Variants in EDA observed in about 807,000 individuals in gnomAD.
EDA encodes ectodysplasin-A.
Under a neutral mutation model 23.6 loss-of-function variants are expected in EDA, and 2 were observed. That is an observed-to-expected ratio of 0.08 (90% CI 0.03 to 0.27). EDA has a LOEUF of 0.27. EDA is among the 10% of genes least tolerant of loss of function. The probability of loss-of-function intolerance (pLI) is 1.00; values close to 1 mark genes in which losing one functional copy is unlikely to be tolerated. For synonymous variants in EDA, 131 were observed against 132.0 expected, an observed-to-expected ratio of 0.99 and a Z score of 0.05; for missense variants, 229 against 324.2, an observed-to-expected ratio of 0.71 and a Z score of 2.26.
chrX:69,645,484 T>C (rs1478158209), intron 1 of EDA, among the ~76,000 whole-genome samples: 1 of 101,362 alleles, frequency 9.9e-6, no homozygotes, highest in Non-Finnish European at 2.0e-5. Context: ...TGTTTCAAGG[T>C]TTTTTCATGT....
intron 1 of EDA, among the ~76,000 whole-genome samples, chrX:69,815,570 G>T (rs1171820055): frequency 8.9e-6 from 1 of 111,835 alleles, no homozygotes; most frequent in Non-Finnish European, 1.9e-5. Flanking sequence ...GCCAGATCTT[G>T]GCCAGAGTGC....
At chrX:69,654,320 G>A (rs967768527) in intron 1 of EDA, among the ~76,000 whole-genome samples, 14 of 111,653 alleles carry the variant, frequency 1.3e-4, no homozygotes, top group Admixed American at 7.6e-4. Context: ...AGGATGTGGA[G>A]AAATAGGAAC....
At chrX:69,903,930 T>C (rs957302774) in intron 1 of EDA, among the ~76,000 whole-genome samples, 16 of 109,735 alleles carry the variant, frequency 1.5e-4, no homozygotes, top group African/African-American at 5.3e-4. Flanking sequence ...CCTGCCTCAG[T>C]CTCCCGAGTA....
Position 69,940,105 on chromosome X carries a change from A to G in EDA, c.397-16922A>G, listed in dbSNP as rs1042937830. ...ATCAGGGTAATACTGGCCTTATAGA[A>G]TGAGTGTGGAAGTACTCCCTCATTC... On this transcript the variant is annotated intron_variant, in intron 1 of 7. Coordinates refer to ENST00000374552, the MANE Select transcript of EDA (RefSeq NM_001399.5). Among the ~76,000 whole-genome samples the G allele has an allele frequency of 2.7e-5, 3 of 111,475 alleles. No individual in the cohort carries two copies. In the Admixed American group the frequency reaches 2.8e-4, roughly 11 times the overall value.
chrX:69,952,327 A>T (rs1271002629), intron 1 of EDA, among the ~76,000 whole-genome samples: 5 of 112,235 alleles, frequency 4.5e-5, no homozygotes, highest in Non-Finnish European at 3.8e-5. Flanking sequence ...GAAGCCTCAC[A>T]ATCATGGGGG....
intron 1 of EDA, among the ~76,000 whole-genome samples, chrX:69,870,029 C>T (rs1449823285): frequency 4.5e-5 from 5 of 111,892 alleles, no homozygotes; most frequent in Non-Finnish European, 9.4e-5. Context: ...AACTAATCCA[C>T]TCCACCATCC....
intron 1 of EDA, among the ~76,000 whole-genome samples, chrX:69,882,912 G>C (rs1382546217): frequency 9.0e-6 from 1 of 111,382 alleles, no homozygotes; most frequent in Non-Finnish European, 1.9e-5. Context: ...ATGTTGGTCA[G>C]GCTGGTCTCG....
At chrX:69,995,440 C>G (rs1354872558) in intron 2 of EDA, among the ~76,000 whole-genome samples, 3 of 112,335 alleles carry the variant, frequency 2.7e-5, no homozygotes, top group Non-Finnish European at 5.6e-5. Context: ...GTCACCAGGT[C>G]TTCCATCTAT....
chrX:69,620,549 G>A (rs755513215), intron 1 of EDA: 173 of 138,120 alleles, frequency 1.3e-3, no homozygotes, highest in Non-Finnish European at 2.2e-3. Context: ...TTTTAGGGAG[G>A]TGGGATCTAG....
At chrX:69,981,573 G>A (rs1367319459) in intron 2 of EDA, among the ~76,000 whole-genome samples, 1 of 111,267 alleles carries the variant, frequency 9.0e-6, no homozygotes, top group Non-Finnish European at 1.9e-5. Flanking sequence ...CATGCAAGAA[G>A]CAGGAAACAA....
chrX:69,910,373 G>A (rs1425593813), intron 1 of EDA, among the ~76,000 whole-genome samples: 3 of 26,030 alleles, frequency 1.2e-4, no homozygotes, highest in Non-Finnish European at 3.1e-4. Flanking sequence ...GAGAGAGAGA[G>A]AGTGTGTGTG....
At chrX:70,030,801 T>G (rs968831003) in intron 6 of EDA, among the ~76,000 whole-genome samples, 4 of 112,610 alleles carry the variant, frequency 3.6e-5, no homozygotes, top group African/African-American at 1.3e-4. Flanking sequence ...GGAGGTTATA[T>G]CAGAGCCACC....
intron 2 of EDA, among the ~76,000 whole-genome samples, chrX:69,992,531 GTTAT>G (rs1009472676): frequency 1.2e-4 from 13 of 112,186 alleles, no homozygotes; most frequent in African/African-American, 4.2e-4. Context: ...TATGCCACAA[GTTAT>G]TTATTCATTC....
chrX:69,734,452 A>C (rs1245320439), intron 1 of EDA, among the ~76,000 whole-genome samples: 1 of 111,280 alleles, frequency 9.0e-6, no homozygotes, highest in Non-Finnish European at 1.9e-5. Flanking sequence ...GTTTTTATTT[A>C]TTTCTTTTCT....
chrX:69,837,479 A>G (rs2016803253), intron 1 of EDA, among the ~76,000 whole-genome samples: 1 of 112,602 alleles, frequency 8.9e-6, no homozygotes, highest in Non-Finnish European at 1.9e-5. Context: ...AGGCTCATAA[A>G]AACAATTTAA....
intron 1 of EDA, among the ~76,000 whole-genome samples, chrX:69,842,081 TG>T (rs2016907800): frequency 8.9e-6 from 1 of 111,956 alleles, no homozygotes; most frequent in Non-Finnish European, 1.9e-5. Context: ...AGGTGAGCAA[TG>T]GGCGGATGAG....
intron 1 of EDA, among the ~76,000 whole-genome samples, chrX:69,710,671 C>A (rs2011967818): frequency 8.9e-6 from 1 of 111,781 alleles, no homozygotes; most frequent in South Asian, 3.8e-4. Flanking sequence ...TTTCATTGAG[C>A]AGTGGCTTGT....
chrX:69,652,751 A>G (rs1933145102), intron 1 of EDA, among the ~76,000 whole-genome samples: 1 of 112,082 alleles, frequency 8.9e-6, no homozygotes, highest in Non-Finnish European at 1.9e-5. Flanking sequence ...AATAAAAAAG[A>G]TATAGTGCTT....
chrX:69,754,876 G>A (rs1397562101), intron 1 of EDA, among the ~76,000 whole-genome samples: 1 of 112,113 alleles, frequency 8.9e-6, no homozygotes, highest in Non-Finnish European at 1.9e-5. Context: ...GCATCATGTA[G>A]TTCTCGTGCC....
Sources: gnomAD v4.1 joint callset for allele counts (sites outside exome capture counted in the v4.1 genomes callset) on GRCh38, gnomAD v4.1.1 for gene constraint, MANE v1.5 for transcripts, NCBI Gene and HGNC (gene_info 2026-07-23, HGNC 2026-07-21) for gene names.